EGLN1: variants seen among roughly 807,000 people sequenced by gnomAD.
EGLN1 encodes egl nine homolog 1.
Under a neutral mutation model 38.3 loss-of-function variants are expected in EGLN1, and 17 were observed. The ratio of observed to expected loss-of-function variants is 0.44; its 90% CI spans 0.30 to 0.67. EGLN1 has a LOEUF of 0.67. Ranked by LOEUF, EGLN1 falls within the 30% of genes least tolerant of loss-of-function variation. EGLN1 has a pLI of 0.08. For missense variants in EGLN1, 477 were observed against 603.3 expected (o/e 0.79, Z 2.19); for synonymous variants, 283 against 257.5 (o/e 1.10, Z -0.95).
intron 1 of EGLN1, among the ~76,000 whole-genome samples, chr1:231,400,824 T>C (rs1010954341): frequency 2.6e-5 from 4 of 151,914 alleles, no homozygotes; most frequent in South Asian, 2.1e-4. Context: ...CTGAGGCGGG[T>C]AGATTGCTTG....
In EGLN1 at chr1:231,366,374, A is replaced by T; in HGVS notation, c.*37T>A. The T allele has an allele frequency of 6.3e-7, 1 of 1,597,926 alleles. No homozygotes were observed. The highest frequency in any genetic ancestry group is 8.6e-7 in the Non-Finnish European group (1 of 1,165,708). ...CACAAGTTAACAAATAGTTAACAATATTGTAGGTGAAGTGGGGTATTGCTG... is the reference window on the plus strand; with the variant it reads ...CACAAGTTAACAAATAGTTAACAATTTTGTAGGTGAAGTGGGGTATTGCTG... On this transcript the variant is annotated 3_prime_UTR_variant, in exon 5 of 5. Transcript: ENST00000366641.
At chr1:231,411,796 A>C (rs963349035) in intron 1 of EGLN1, among the ~76,000 whole-genome samples, 4 of 151,922 alleles carry the variant, frequency 2.6e-5, no homozygotes, top group Non-Finnish European at 5.9e-5. Context: ...CAGGAGTTCA[A>C]GATCAGCCCG....
At chr1:231,413,325 C>A (rs1462751097) in intron 1 of EGLN1, among the ~76,000 whole-genome samples, 1 of 152,170 alleles carries the variant, frequency 6.6e-6, no homozygotes, top group Non-Finnish European at 1.5e-5. Context: ...ATCCGCCCAC[C>A]TCGACCTCCC....
At chr1:231,417,298 C>G (rs950482269) in intron 1 of EGLN1, among the ~76,000 whole-genome samples, 1 of 152,086 alleles carries the variant, frequency 6.6e-6, no homozygotes, top group African/African-American at 2.4e-5. Flanking sequence ...TTTTATTACT[C>G]CTTTTCTTTA....
chr1:231,389,723 C>T (rs968648473), intron 1 of EGLN1, among the ~76,000 whole-genome samples: 2 of 152,056 alleles, frequency 1.3e-5, no homozygotes, highest in African/African-American at 4.8e-5. Flanking sequence ...CCGAGGCAGG[C>T]GGGTCACGAG....
intron 1 of EGLN1, among the ~76,000 whole-genome samples, chr1:231,409,793 T>C (rs1032867027): frequency 6.6e-6 from 1 of 152,216 alleles, no homozygotes; most frequent in African/African-American, 2.4e-5. Flanking sequence ...GAGTATTTCT[T>C]TATTTTCTCA....
chr1:231,392,581 C>A (rs945095034), intron 1 of EGLN1, among the ~76,000 whole-genome samples: 1 of 152,088 alleles, frequency 6.6e-6, no homozygotes, highest in South Asian at 2.1e-4. Context: ...AGCTGTCCAG[C>A]CTGAATTCAA....
intron 1 of EGLN1, among the ~76,000 whole-genome samples, chr1:231,395,941 T>C (rs1688513481): frequency 6.6e-6 from 1 of 150,554 alleles, no homozygotes. Context: ...TTTTCTCACA[T>C]ACCACTCACA....
rs748824150 is a variant in EGLN1 at position 231,414,994 on chromosome 1, A to G, written c.891+6004T>C. On this transcript the variant is annotated intron_variant, in intron 1 of 4. Transcript: ENST00000366641. ...GCAAATCCGCCCACCCTGGCCTCCC[A>G]AAGTGCTAGGATTACAGGCATGAGC... is the stretch of plus-strand genomic sequence containing the variant. Among the ~76,000 whole-genome samples, 127 of 152,212 alleles carry G rather than the reference A, an allele frequency of 8.3e-4. 1 individual carries two copies. In the Middle Eastern group the frequency reaches 0.027, roughly 33 times the overall value.
intron 1 of EGLN1, among the ~76,000 whole-genome samples, chr1:231,396,176 T>C (rs1688524520): frequency 6.6e-6 from 1 of 151,952 alleles, no homozygotes; most frequent in African/African-American, 2.4e-5. Flanking sequence ...GTTTTCTTCC[T>C]TTTCTTTCAA....
intron 1 of EGLN1, among the ~76,000 whole-genome samples, chr1:231,374,796 A>G (rs1454335766): frequency 2.0e-5 from 3 of 152,148 alleles, no homozygotes; most frequent in Admixed American, 1.3e-4. Flanking sequence ...TTTTTTTAAA[A>G]AAAGGACTAA....
At chr1:231,401,777 A>C (rs1471531250) in intron 1 of EGLN1, among the ~76,000 whole-genome samples, 1 of 152,214 alleles carries the variant, frequency 6.6e-6, no homozygotes, top group Non-Finnish European at 1.5e-5. Flanking sequence ...GAATAAAAAT[A>C]TTCAAGTCTT....
At chr1:231,408,619 C>G (rs1300916435) in intron 1 of EGLN1, among the ~76,000 whole-genome samples, 1 of 152,048 alleles carries the variant, frequency 6.6e-6, no homozygotes, top group South Asian at 2.1e-4. Context: ...AGTGGGAATT[C>G]AAATATAATA....
chr1:231,398,041 C>T (rs1688574897), intron 1 of EGLN1, among the ~76,000 whole-genome samples: 1 of 152,220 alleles, frequency 6.6e-6, no homozygotes, highest in African/African-American at 2.4e-5. Flanking sequence ...GAGTCAGGAA[C>T]TACTATTCAG....
intron 1 of EGLN1, among the ~76,000 whole-genome samples, chr1:231,375,787 T>A (rs1297459200): frequency 6.6e-6 from 1 of 152,200 alleles, no homozygotes; most frequent in African/African-American, 2.4e-5. Flanking sequence ...TTACCTTGAA[T>A]AGTAACTGTA....
At chr1:231,380,501 A>AGATT (rs61056885) in intron 1 of EGLN1, among the ~76,000 whole-genome samples, 82,235 of 151,262 alleles carry the variant, frequency 0.54, 23,946 homozygotes, top group Middle Eastern at 0.65. Context: ...AAGGGCATAT[A>AGATT]GTTTCCTTAA....
At chr1:231,382,671 C>T (rs1688103141) in intron 1 of EGLN1, among the ~76,000 whole-genome samples, 1 of 152,120 alleles carries the variant, frequency 6.6e-6, no homozygotes, top group Non-Finnish European at 1.5e-5. Flanking sequence ...CTGTTAGTTC[C>T]CCATAAAGGA....
chr1:231,390,540 T>C (rs1433819808), intron 1 of EGLN1, among the ~76,000 whole-genome samples: 2 of 152,230 alleles, frequency 1.3e-5, no homozygotes, highest in Admixed American at 6.5e-5. Flanking sequence ...AGTGGTCAGA[T>C]AGACTGTGAA....
At chr1:231,409,531 C>T (rs912209100) in intron 1 of EGLN1, among the ~76,000 whole-genome samples, 1 of 152,120 alleles carries the variant, frequency 6.6e-6, no homozygotes, top group Non-Finnish European at 1.5e-5. Flanking sequence ...TCTGTTCCTC[C>T]ATCTCCCCCA....
Sources: gnomAD v4.1 joint callset for allele counts (sites outside exome capture counted in the v4.1 genomes callset) on GRCh38, gnomAD v4.1.1 for gene constraint, MANE v1.5 for transcripts, NCBI Gene and HGNC (gene_info 2026-07-23, HGNC 2026-07-21) for gene names.